CYS1: variants seen among roughly 807,000 people sequenced by gnomAD.
CYS1 encodes the protein cystin-1.
CYS1 carries 5 observed loss-of-function variants against 9.6 expected under a neutral mutation model. That is an observed-to-expected ratio of 0.52 (90% CI 0.27 to 1.10). The LOEUF (loss-of-function observed/expected upper bound fraction) is 1.10. CYS1 is among the 50% of genes least tolerant of loss of function. The probability of loss-of-function intolerance (pLI) is 0.11; values close to 1 mark genes in which losing one functional copy is unlikely to be tolerated. For synonymous variants in CYS1, 88 were observed against 95.7 expected, an observed-to-expected ratio of 0.92 and a Z score of 0.47; for missense variants, 221 against 207.9, an observed-to-expected ratio of 1.06 and a Z score of -0.39.
rs377581230 is a variant in CYS1, at chr2:10,065,918, G to A, written c.357C>T (p.Ser119=). The change falls in exon 2 of 3, where the codon AGC becomes AGT. Residue 119 remains serine (S), a synonymous_variant. Coordinates refer to ENST00000381813, the MANE Select transcript of CYS1 (RefSeq NM_001037160.3). ...AEQSTEGHPG[S]GNVSEAPGSG... ...CTGGTACTTACTCAGAGACATTGCC[G>A]CTCCCCGGGTGGCCCTCTGTGCTCT... 175 of 1,614,042 alleles carry A rather than the reference G, an allele frequency of 1.1e-4. No homozygotes were observed. Among genetic ancestry groups the A allele is most frequent in the Non-Finnish European group, 1.4e-4 (163 of 1,180,010 alleles).
chr2:10,074,270 A>G (rs1661813878), intron 1 of CYS1, among the ~76,000 whole-genome samples: 1 of 152,236 alleles, frequency 6.6e-6, no homozygotes, highest in Non-Finnish European at 1.5e-5. Flanking sequence ...AACTTGTACA[A>G]AACTAGGCCC....
intron 1 of CYS1, among the ~76,000 whole-genome samples, chr2:10,069,159 T>G (rs887054176): frequency 1.3e-5 from 2 of 152,040 alleles, no homozygotes; most frequent in African/African-American, 4.8e-5. Context: ...AAGAGTCAGG[T>G]GGCCTCACCT....
intron 2 of CYS1, among the ~76,000 whole-genome samples, chr2:10,059,185 G>C (rs1661592859): frequency 6.6e-6 from 1 of 152,256 alleles, no homozygotes. Flanking sequence ...GTGGAAGCCA[G>C]CACCTGCCCT....
At chr2:10,071,631 A>G (rs1661769742) in intron 1 of CYS1, among the ~76,000 whole-genome samples, 1 of 152,150 alleles carries the variant, frequency 6.6e-6, no homozygotes, top group Admixed American at 6.5e-5. Flanking sequence ...TTAAGCCTTG[A>G]ACTTACTTTC....
chr2:10,074,834 A>G (rs1417196529), intron 1 of CYS1, among the ~76,000 whole-genome samples: 1 of 152,178 alleles, frequency 6.6e-6, no homozygotes, highest in Non-Finnish European at 1.5e-5. Flanking sequence ...CTTCTGGGCC[A>G]GGTGCGGTCG....
In CYS1 at chr2:10,063,971, C is replaced by T. The variant is rs938826464; in HGVS notation, c.371+1933G>A. Among the ~76,000 whole-genome samples the T allele has an allele frequency of 1.3e-5, 2 of 152,204 alleles. No individual in the cohort carries two copies. Among genetic ancestry groups the T allele is most frequent in the African/African-American group, 4.8e-5 (2 of 41,450 alleles). The stretch of plus-strand genomic sequence containing the variant: ...GGTGCAGTGGCTCACGCCCATAATC[C>T]CAGCACTTTGGGAGGCCAAGGTGGG... On this transcript the variant is annotated intron_variant, in intron 2 of 2. Transcript: ENST00000381813. This position sits in a 1 kb window ranked among gnomAD's most constrained non-coding sequence, Gnocchi z 4.2.
At chr2:10,070,998 G>A (rs545554647) in intron 1 of CYS1, among the ~76,000 whole-genome samples, 11 of 151,752 alleles carry the variant, frequency 7.2e-5, no homozygotes, top group African/African-American at 2.4e-4. Context: ...ACGGAGTCTC[G>A]CTCTGTCATC....
At chr2:10,068,296 A>G (rs1244670936) in intron 1 of CYS1, among the ~76,000 whole-genome samples, 2 of 152,208 alleles carry the variant, frequency 1.3e-5, no homozygotes, top group Non-Finnish European at 2.9e-5. Flanking sequence ...CCTAGTAACT[A>G]AGATCTTCAT....
At chr2:10,074,932 C>T (rs1052800558) in intron 1 of CYS1, among the ~76,000 whole-genome samples, 7 of 152,022 alleles carry the variant, frequency 4.6e-5, no homozygotes, top group African/African-American at 7.3e-5. Flanking sequence ...GCCAACATGG[C>T]GAAACCCCGT....
At position 10,058,815 on chromosome 2, in the gene CYS1, G is replaced by A. The variant is rs772158387; in HGVS notation, c.*38C>T. 20 of 1,513,442 alleles carry A rather than the reference G, an allele frequency of 1.3e-5. No homozygotes were observed. Among genetic ancestry groups the A allele is most frequent in the East Asian group, 2.5e-5 (1 of 40,456 alleles). 93.8% of individuals were successfully genotyped at this position (1,513,442 alleles called of 1,614,324 possible). A position where few individuals can be genotyped will look rare whatever the true frequency, so the allele number is the denominator to read the frequency against. ...AAGCAGAGGGTGCCCCAGCCAGCAG[G>A]TGCCTCCGAGGCCTGGCGGGGGTGG... On this transcript the variant is annotated 3_prime_UTR_variant, in exon 3 of 3. Coordinates refer to ENST00000381813, the MANE Select transcript of CYS1 (RefSeq NM_001037160.3).
At chr2:10,066,077 G>T in intron 1 of CYS1, 121 bp from the exon 2 acceptor site, 1 of 1,094,932 alleles carries the variant, frequency 9.1e-7, no homozygotes, top group Non-Finnish European at 1.4e-6. Flanking sequence ...ATAAGCCTCG[G>T]AGCGGAAAGG....
At chr2:10,070,726 C>T (rs778890303) in intron 1 of CYS1, among the ~76,000 whole-genome samples, 14 of 152,020 alleles carry the variant, frequency 9.2e-5, no homozygotes, top group Non-Finnish European at 1.5e-4. Context: ...CTCGCTGCAG[C>T]CTCAACTCCT....
At chr2:10,068,864 C>A (rs1661729269) in intron 1 of CYS1, among the ~76,000 whole-genome samples, 1 of 152,144 alleles carries the variant, frequency 6.6e-6, no homozygotes, top group South Asian at 2.1e-4. Context: ...GAGTTCCAGA[C>A]CAGCCTGGCC....
Position 10,069,327 on chromosome 2 carries a change from A to G in CYS1, c.319-3371T>C, listed in dbSNP as rs142643551. Reference sequence around the variant, plus strand: ...TACAAAGACTTAGAGTTTATCTCCTATTACCCTTTCTGGAGGAAAAAAAAT... The same window carrying G: ...TACAAAGACTTAGAGTTTATCTCCTGTTACCCTTTCTGGAGGAAAAAAAAT... On this transcript the variant is annotated intron_variant, in intron 1 of 2. Coordinates refer to ENST00000381813, the MANE Select transcript of CYS1 (RefSeq NM_001037160.3). 2.5e-3 allele frequency among the ~76,000 whole-genome samples: 383 copies of G among 152,234 alleles called. 2 individuals carry two copies. The highest frequency in any genetic ancestry group is 8.7e-3 in the African/African-American group (362 of 41,544).
chr2:10,073,352 A>C (rs1300563996), intron 1 of CYS1, among the ~76,000 whole-genome samples: 1 of 152,144 alleles, frequency 6.6e-6, no homozygotes, highest in East Asian at 1.9e-4. Flanking sequence ...TCAGGGTCTG[A>C]GAGACTTGTC....
At chr2:10,074,532 G>A (rs1661816908) in intron 1 of CYS1, among the ~76,000 whole-genome samples, 1 of 152,192 alleles carries the variant, frequency 6.6e-6, no homozygotes, top group South Asian at 2.1e-4. Flanking sequence ...GAAGCTGCTT[G>A]TCTCTGGAGA....
chr2:10,067,323 T>C (rs1661711333), intron 1 of CYS1, among the ~76,000 whole-genome samples: 2 of 152,116 alleles, frequency 1.3e-5, no homozygotes, highest in Non-Finnish European at 2.9e-5. Flanking sequence ...CAGCCAGCAA[T>C]GTTATCTTTT....
chr2:10,060,908 A>G (rs780600295), intron 2 of CYS1, among the ~76,000 whole-genome samples: 1 of 152,194 alleles, frequency 6.6e-6, no homozygotes, highest in African/African-American at 2.4e-5. Flanking sequence ...ACTCAACAGA[A>G]GTCGCTGCGA....
In CYS1 at chr2:10,056,690, G is replaced by A. The variant is rs1025520753; in HGVS notation, c.*2163C>T. On this transcript the variant is annotated 3_prime_UTR_variant, in exon 3 of 3. Coordinates refer to ENST00000381813, the MANE Select transcript of CYS1 (RefSeq NM_001037160.3). ...ACACAGGAGGCACTGGGACAGACTCGGGCCGGGCTGCAGGCTGCAGCAACG... is the reference window on the plus strand; with the variant it reads ...ACACAGGAGGCACTGGGACAGACTCAGGCCGGGCTGCAGGCTGCAGCAACG... 1.3e-5 allele frequency: 2 copies of A among 152,268 alleles called. 1 individual carries two copies. The highest frequency in any genetic ancestry group is 3.8e-4 in the East Asian group (2 of 5,206). 9.4% of individuals were successfully genotyped at this position (152,268 alleles called of 1,614,324 possible).
Sources: gnomAD v4.1 joint callset for allele counts (sites outside exome capture counted in the v4.1 genomes callset) on GRCh38, gnomAD v4.1.1 for gene constraint, Gnocchi (gnomAD v3.1) non-coding constraint, MANE v1.5 for transcripts, NCBI Gene and HGNC (gene_info 2026-07-23, HGNC 2026-07-21) for gene names.